KCNQ5: variants seen among roughly 807,000 people sequenced by gnomAD.
KCNQ5 encodes potassium voltage-gated channel subfamily KQT member 5.
KCNQ5 carries 30 observed loss-of-function variants against 98.2 expected under a neutral mutation model. That is an observed-to-expected ratio of 0.31 (90% confidence interval 0.23 to 0.41). The LOEUF (loss-of-function observed/expected upper bound fraction) is 0.41. Ranked by LOEUF, KCNQ5 falls within the 10% of genes least tolerant of loss-of-function variation. The pLI is 1.00. For synonymous variants in KCNQ5, 458 were observed against 449.4 expected (o/e 1.02, Z -0.24); for missense variants, 835 against 1,182.5 (o/e 0.71, Z 4.31).
At chr6:72,767,962 C>A (rs374560453) in intron 1 of KCNQ5, among the ~76,000 whole-genome samples, 1 of 151,968 alleles carries the variant, frequency 6.6e-6, no homozygotes, top group South Asian at 2.1e-4. Context: ...TTTAATGTTA[C>A]CATATGACCC....
intron 1 of KCNQ5, among the ~76,000 whole-genome samples, chr6:72,957,322 C>T (rs189283154): frequency 5.9e-5 from 9 of 152,020 alleles, no homozygotes; most frequent in Admixed American, 5.9e-4. Context: ...AGGCGCGCAC[C>T]ACCACACTTG....
At chr6:72,790,274 C>T (rs6453605) in intron 1 of KCNQ5, among the ~76,000 whole-genome samples, 1 of 151,876 alleles carries the variant, frequency 6.6e-6, no homozygotes, top group Non-Finnish European at 1.5e-5. Flanking sequence ...GATAAGGCCA[C>T]TAAAGCCCAG....
At chr6:72,637,595 T>C (rs1217701812) in intron 1 of KCNQ5, among the ~76,000 whole-genome samples, 1 of 152,190 alleles carries the variant, frequency 6.6e-6, no homozygotes, top group Non-Finnish European at 1.5e-5. Flanking sequence ...TTATCCATCT[T>C]TTAAAGACTA....
intron 1 of KCNQ5, among the ~76,000 whole-genome samples, chr6:72,850,720 G>A (rs1777218494): frequency 6.6e-6 from 1 of 152,136 alleles, no homozygotes; most frequent in Non-Finnish European, 1.5e-5. Context: ...GGTTTTCCTG[G>A]TTGGATGCTA....
chr6:72,870,568 T>A (rs559194088), intron 1 of KCNQ5, among the ~76,000 whole-genome samples: 8 of 152,266 alleles, frequency 5.3e-5, no homozygotes, highest in African/African-American at 1.9e-4. Flanking sequence ...ATATTTTATG[T>A]CTCTTCCATA....
intron 10 of KCNQ5, among the ~76,000 whole-genome samples, chr6:73,153,234 G>A (rs560350402): frequency 6.6e-6 from 1 of 152,244 alleles, no homozygotes; most frequent in East Asian, 1.9e-4. Context: ...GTGTCAGCTA[G>A]TCAGTTACCT....
intron 1 of KCNQ5, among the ~76,000 whole-genome samples, chr6:72,733,571 A>C (rs1770664111): frequency 6.6e-6 from 1 of 152,246 alleles, no homozygotes; most frequent in African/African-American, 2.4e-5. Flanking sequence ...AGCCATACAA[A>C]GGTGAGAGAC....
At chr6:73,124,431 A>G (rs1775867013) in intron 8 of KCNQ5, 55 bp from the exon 9 acceptor site, 2 of 1,575,118 alleles carry the variant, frequency 1.3e-6, no homozygotes, top group African/African-American at 1.4e-5. Context: ...ATCAAGTGCT[A>G]TAAATATATT....
chr6:72,714,032 T>C (rs1352460864), intron 1 of KCNQ5, among the ~76,000 whole-genome samples: 5 of 152,244 alleles, frequency 3.3e-5, no homozygotes, highest in Middle Eastern at 3.2e-3. Flanking sequence ...ATTCATTCTT[T>C]GAATCTCAAC....
chr6:72,836,959 T>G (rs935642699), intron 1 of KCNQ5, among the ~76,000 whole-genome samples: 1 of 152,200 alleles, frequency 6.6e-6, no homozygotes, highest in Admixed American at 6.5e-5. Flanking sequence ...GCTGGTGTTC[T>G]CTTTTTAACT....
Position 72,622,219 on chromosome 6 carries a change from G to A in KCNQ5, c.30G>A (p.Glu10=). MPRHHAGGE[E]GGAAGLWVKS... is the part of the protein sequence containing the mutation. ...CCCGCCACCACGCGGGAGGAGAGGA[G>A]GGCGGCGCCGCCGGGCTCTGGGTGA... Residue 10 remains glutamate (E), a synonymous_variant, in exon 1 of 14, where the codon GAG becomes GAA. Coordinates refer to ENST00000370398, the MANE Select transcript of KCNQ5 (RefSeq NM_019842.4). This position sits in a 1 kb window ranked among gnomAD's most constrained non-coding sequence, Gnocchi z 6.0. The A allele has an allele frequency of 8.1e-7, 1 of 1,234,028 alleles. No homozygotes were observed. Among genetic ancestry groups the A allele is most frequent in the East Asian group, 3.2e-5 (1 of 31,014 alleles). 76.4% of individuals were successfully genotyped at this position (1,234,028 alleles called of 1,614,324 possible). A position where few individuals can be genotyped will look rare whatever the true frequency, so the allele number is the denominator to read the frequency against.
intron 1 of KCNQ5, among the ~76,000 whole-genome samples, chr6:72,678,747 T>G (rs946172491): frequency 1.2e-4 from 19 of 152,200 alleles, no homozygotes; most frequent in African/African-American, 4.6e-4. Context: ...TTTATTAATG[T>G]GCTGAATTAA....
chr6:72,877,902 C>A (rs1292790320), intron 1 of KCNQ5, among the ~76,000 whole-genome samples: 2 of 152,208 alleles, frequency 1.3e-5, no homozygotes, highest in African/African-American at 4.8e-5. Context: ...TACCTTCTGA[C>A]TTTTTCTGAT....
intron 1 of KCNQ5, among the ~76,000 whole-genome samples, chr6:72,847,286 T>C (rs1777060811): frequency 6.6e-6 from 1 of 152,178 alleles, no homozygotes; most frequent in African/African-American, 2.4e-5. Context: ...TGCCTCAGCC[T>C]CCTGAGTAGC....
chr6:72,799,517 A>T (rs1474530229), intron 1 of KCNQ5, among the ~76,000 whole-genome samples: 1 of 152,196 alleles, frequency 6.6e-6, no homozygotes, highest in Non-Finnish European at 1.5e-5. Context: ...ATTTTAATTT[A>T]TAACTATACA....
At chr6:72,956,414 T>C (rs949797305) in intron 1 of KCNQ5, among the ~76,000 whole-genome samples, 1 of 151,586 alleles carries the variant, frequency 6.6e-6, no homozygotes, top group Admixed American at 6.6e-5. Context: ...AAACAAAAAC[T>C]CAAGCCATTA....
chr6:73,050,559 C>T (rs1225160385), intron 3 of KCNQ5, among the ~76,000 whole-genome samples: 2 of 152,082 alleles, frequency 1.3e-5, no homozygotes, highest in African/African-American at 4.8e-5. Flanking sequence ...ATACTATTAG[C>T]TATAGTCTTT....
At chr6:72,729,494 G>A (rs1359949939) in intron 1 of KCNQ5, among the ~76,000 whole-genome samples, 1 of 152,068 alleles carries the variant, frequency 6.6e-6, no homozygotes, top group Non-Finnish European at 1.5e-5. Context: ...CGCCATGTTG[G>A]CCAGGCTGGT....
chr6:72,869,148 AAAAG>A (rs2150160254), intron 1 of KCNQ5, among the ~76,000 whole-genome samples: 2 of 152,350 alleles, frequency 1.3e-5, no homozygotes, highest in East Asian at 1.9e-4. Flanking sequence ...TTAAAAATTA[AAAAG>A]AAAGAAACAA....
Sources: allele counts gnomAD v4.1 joint callset (sites outside exome capture counted in the v4.1 genomes callset), GRCh38; gene constraint gnomAD v4.1.1; non-coding constraint Gnocchi (gnomAD v3.1); transcripts MANE v1.5; gene names NCBI Gene and HGNC (gene_info 2026-07-23, HGNC 2026-07-21).